The following RHD variants were observed in gnomAD, a reference collection of about 807,000 sequenced individuals.
RHD encodes the protein Rh blood group D antigen, also known as blood group Rh(D) polypeptide.
Under a neutral mutation model 45.5 loss-of-function variants are expected in RHD, and 16 were observed. The observed-to-expected ratio is 0.35, with a 90% CI of 0.24 to 0.53. RHD has a LOEUF of 0.53. RHD is among the 20% of genes least tolerant of loss of function. RHD has a pLI of 0.92. For synonymous variants in RHD, 131 were observed against 217.5 expected (o/e 0.60, Z 3.50); for missense variants, 306 against 532.0 (o/e 0.58, Z 4.18).
At position 25,276,532 on chromosome 1, in the gene RHD, TAAAAAA is replaced by T. The variant is rs557746335; in HGVS notation, c.148+3855_148+3860del. The stretch of plus-strand genomic sequence containing the variant: ...ACATAGGGAGACCCCCCCCCATCTC[TAAAAAA>T]AAAAAAAAAAAAAAAAACTTTAAAA... On this transcript the variant is annotated intron_variant, in intron 1 of 9. Coordinates refer to ENST00000328664, the MANE Select transcript of RHD (RefSeq NM_016124.6). 2.3e-4 allele frequency among the ~76,000 whole-genome samples: 15 copies of T among 64,780 alleles called. 3 individuals are homozygous for T. Among genetic ancestry groups the T allele is most frequent in the African/African-American group, 1.1e-3 (15 of 13,854 alleles). The allele number at this position is 64,780 out of a possible 152,430, so 42.5% of individuals were successfully genotyped here.
intron 7 of RHD, among the ~76,000 whole-genome samples, chr1:25,310,038 A>G (rs1276352659): frequency 1.5e-5 from 2 of 132,742 alleles, no homozygotes; most frequent in African/African-American, 5.1e-5. Context: ...AAGTGCAAAT[A>G]TCATACAAGT....
chr1:25,307,701 G>A lies in RHD; in HGVS notation c.1073+972G>A, dbSNP rs1347002344. 6 of 1,308,162 alleles carry A rather than the reference G, an allele frequency of 4.6e-6. 2 individuals are homozygous for A. In the African/African-American group the frequency reaches 8.8e-5, roughly 19 times the overall value. The allele number at this position is 1,308,162 out of a possible 1,614,324, so 81.0% of individuals were successfully genotyped here. On this transcript the variant is annotated intron_variant, in intron 7 of 9. Coordinates refer to ENST00000328664, the MANE Select transcript of RHD (RefSeq NM_016124.6). The stretch of plus-strand genomic sequence containing the variant: ...TGGCTGAAGCAGGTGATGAGGAGCT[G>A]ATGCGTTTGGACGTGTCTCAGAGAA...
At chr1:25,281,857 C>T (rs1232958185) in intron 1 of RHD, among the ~76,000 whole-genome samples, 1 of 132,708 alleles carries the variant, frequency 7.5e-6, no homozygotes, top group African/African-American at 2.6e-5. Flanking sequence ...AGTGTCCTCC[C>T]TTGTCCTCTC....
chr1:25,307,028 G>T lies in RHD; in HGVS notation c.1073+299G>T, dbSNP rs185741798. On this transcript the variant is annotated intron_variant, in intron 7 of 9. Coordinates refer to ENST00000328664, the MANE Select transcript of RHD (RefSeq NM_016124.6). The stretch of plus-strand genomic sequence containing the variant: ...GGTCAAATAGGCCCAAGCCAATTGA[G>T]ACTGTGGTTCAGGTCGTGATGCAGA... 3 of 365,840 alleles carry T rather than the reference G, an allele frequency of 8.2e-6. 1 individual carries two copies. The highest frequency in any genetic ancestry group is 1.7e-5 in the Non-Finnish European group (3 of 177,706). 22.7% of individuals were successfully genotyped at this position (365,840 alleles called of 1,614,324 possible).
At chr1:25,312,263 A>T (rs2124039556) in intron 7 of RHD, among the ~76,000 whole-genome samples, 1 of 98,758 alleles carries the variant, frequency 1.0e-5, no homozygotes, top group Admixed American at 9.9e-5. Context: ...TTCCTTTTAG[A>T]ATGGGAATGT....
In RHD at chr1:25,303,473, C is replaced by T; in HGVS notation, c.939+14C>T. On this transcript the variant is annotated intron_variant, in intron 6 of 9. Transcript: ENST00000328664. ...AAGTACCTGCCGGTAAGAAACTAGA[C>T]AACTAACCTCCTCTGCTTTGGCTGA... 2.2e-6 allele frequency: 3 copies of T among 1,378,896 alleles called. No individual in the cohort carries two copies. The highest frequency in any genetic ancestry group is 3.1e-6 in the Non-Finnish European group (3 of 978,702). 85.4% of individuals were successfully genotyped at this position (1,378,896 alleles called of 1,614,324 possible).
intron 3 of RHD, among the ~76,000 whole-genome samples, chr1:25,296,639 A>C (rs1015767669): frequency 1.5e-5 from 2 of 131,308 alleles, no homozygotes; most frequent in African/African-American, 5.3e-5. Context: ...ACCTCGTGGG[A>C]GGTGATTGGA....
rs770829958 is a variant in RHD, at chr1:25,290,720, T to G, written c.415T>G (p.Leu139Val). The G allele has an allele frequency of 1.5e-6, 2 of 1,377,228 alleles. No individual in the cohort carries two copies. The highest frequency in any genetic ancestry group is 1.2e-5 in the South Asian group (1 of 84,642). The allele number at this position is 1,377,228 out of a possible 1,614,324, so 85.3% of individuals were successfully genotyped here. The stretch of plus-strand genomic sequence containing the variant: ...CTTGGGGAAGGTCAACTTGGCGCAG[T>G]TGGTGGTGATGGTGCTGGTGGAGGT... Reference protein sequence around the residue: ...AVLGKVNLAQLVVMVLVEVTA... With the variant: ...AVLGKVNLAQVVVMVLVEVTA... The change falls in exon 3 of 10, where the codon TTG (leucine) becomes GTG (valine). Residue 139 changes from leucine (L) to valine (V), a missense_variant. By Grantham distance (32) the Leu-to-Val change is conservative. Coordinates refer to ENST00000328664, the MANE Select transcript of RHD (RefSeq NM_016124.6).
rs973873562 is a variant in RHD, at chr1:25,297,601, G to C, written c.487-3345G>C. On this transcript the variant is annotated intron_variant, in intron 3 of 9. Coordinates refer to ENST00000328664, the MANE Select transcript of RHD (RefSeq NM_016124.6). ...TTCAGTAGTTGGCATTCTTCTGTAA[G>C]GAAAAGCTTTCGCTTCTCTGTTCAT... Among the ~76,000 whole-genome samples, 7 of 131,222 alleles carry C rather than the reference G, an allele frequency of 5.3e-5. 1 individual carries two copies. The highest frequency in any genetic ancestry group is 1.1e-4 in the Non-Finnish European group (6 of 55,714). The allele number at this position is 131,222 out of a possible 152,430, so 86.1% of individuals were successfully genotyped here.
chr1:25,283,414 C>G (rs1383507628), intron 1 of RHD, among the ~76,000 whole-genome samples: 1 of 130,566 alleles, frequency 7.7e-6, no homozygotes, highest in East Asian at 2.0e-4. Context: ...ACCTGTAATC[C>G]CAGCTACTTG....
chr1:25,307,633 G>T, intron 7 of RHD: 1 of 1,103,626 alleles, frequency 9.1e-7, no homozygotes, highest in Non-Finnish European at 1.3e-6. Context: ...TTTAAGAGAA[G>T]TTATCTGCCC....
Position 25,306,710 on chromosome 1 carries a change from G to A in RHD, c.1054G>A (p.Val352Ile), listed in dbSNP as rs376674958. 2.0e-4 allele frequency: 272 copies of A among 1,377,824 alleles called. 78 individuals are homozygous for A. The highest frequency in any genetic ancestry group is 2.6e-4 in the Non-Finnish European group (251 of 978,658). The allele number at this position is 1,377,824 out of a possible 1,614,324, so 85.3% of individuals were successfully genotyped here. ...IYIVLLVLDT[V>I]GAGNGMIGFQ... ...CATTGTGCTGCTGGTGCTTGATACC[G>A]TCGGAGCCGGCAATGGCATGTGGGT... is the stretch of plus-strand genomic sequence containing the variant. The change falls in exon 7 of 10, where the codon GTC becomes ATC. Residue 352 changes from valine to isoleucine, a missense_variant. Transcript: ENST00000328664.
rs1643497956 is a variant in RHD at position 25,302,908 on chromosome 1, C to T, written c.802-414C>T. ...CCTGTAATCCCAATATTTTGGGAGGCTGAGGCAAGAGGATTGGTTGAGGCC... is the reference window on the plus strand; with the variant it reads ...CCTGTAATCCCAATATTTTGGGAGGTTGAGGCAAGAGGATTGGTTGAGGCC... On this transcript the variant is annotated intron_variant, in intron 5 of 9. Coordinates refer to ENST00000328664, the MANE Select transcript of RHD (RefSeq NM_016124.6). Among the ~76,000 whole-genome samples, 3 of 130,686 alleles carry T rather than the reference C, an allele frequency of 2.3e-5. 1 individual carries two copies. The highest frequency in any genetic ancestry group is 5.4e-5 in the Non-Finnish European group (3 of 55,476). 85.7% of individuals were successfully genotyped at this position (130,686 alleles called of 152,430 possible). A position where few individuals can be genotyped will look rare whatever the true frequency, so the allele number is the denominator to read the frequency against.
chr1:25,313,196 C>A (rs1219751602), intron 7 of RHD, among the ~76,000 whole-genome samples: 2 of 130,048 alleles, frequency 1.5e-5, no homozygotes, highest in Non-Finnish European at 3.6e-5. Context: ...GAGAACTGAG[C>A]TGACATGCTC....
chr1:25,283,539 A>G (rs564274044), intron 1 of RHD, among the ~76,000 whole-genome samples: 1 of 131,056 alleles, frequency 7.6e-6, no homozygotes, highest in African/African-American at 2.6e-5. Flanking sequence ...CGATATTAAA[A>G]AAAAAAATCT....
In RHD at chr1:25,321,976, C is replaced by T. The variant is rs756969212; in HGVS notation, c.1227+14C>T. 54 of 1,204,318 alleles carry T rather than the reference C, an allele frequency of 4.5e-5. 15 individuals carry two copies. Among genetic ancestry groups the T allele is most frequent in the Non-Finnish European group, 6.5e-5 (53 of 820,136 alleles). The allele number at this position is 1,204,318 out of a possible 1,614,324, so 74.6% of individuals were successfully genotyped here. ...GTTTTCTGGAAGGTAAGATTTTTCA[C>T]CTATTAACGTGATAGATTTTGAGTG... On this transcript the variant is annotated intron_variant, in intron 9 of 9. Transcript: ENST00000328664.
intron 9 of RHD, among the ~76,000 whole-genome samples, 164 bp downstream of exon 9, chr1:25,322,126 GT>G (rs747585535): frequency 1.5e-5 from 2 of 131,672 alleles, no homozygotes; most frequent in Non-Finnish European, 3.6e-5. Context: ...TGATATGCAT[GT>G]GTGTGGGGGA....
chr1:25,275,747 G>A lies in RHD; in HGVS notation c.148+3052G>A, dbSNP rs566343588. On this transcript the variant is annotated intron_variant, in intron 1 of 9. Coordinates refer to ENST00000328664, the MANE Select transcript of RHD (RefSeq NM_016124.6). ...CCAGGCAGGGTCCATTGCTACAGTT[G>A]ACGATAGTGGATGAAAATTCACTCC... 1.0e-3 allele frequency among the ~76,000 whole-genome samples: 137 copies of A among 132,740 alleles called. 12 individuals are homozygous for A. Among genetic ancestry groups the A allele is most frequent in the African/African-American group, 3.2e-3 (124 of 39,028 alleles). The allele number at this position is 132,740 out of a possible 152,430, so 87.1% of individuals were successfully genotyped here.
intron 2 of RHD, among the ~76,000 whole-genome samples, chr1:25,287,170 T>C (rs1642096848): frequency 7.4e-6 from 1 of 135,162 alleles, no homozygotes; most frequent in African/African-American, 2.6e-5. Context: ...CATGCACGCA[T>C]ACACACACTG....
Sources: allele counts gnomAD v4.1 joint callset (sites outside exome capture counted in the v4.1 genomes callset), GRCh38; gene constraint gnomAD v4.1.1; transcripts MANE v1.5; gene names NCBI Gene and HGNC (gene_info 2026-07-23, HGNC 2026-07-21).